TSHZ2: variants seen among roughly 807,000 people sequenced by gnomAD.
TSHZ2 encodes the protein teashirt homolog 2.
A neutral mutation model predicts 74.4 loss-of-function variants in TSHZ2; 21 were observed. That is an observed-to-expected ratio of 0.28 (90% confidence interval 0.20 to 0.41). TSHZ2 has a LOEUF of 0.41. Ranked by LOEUF, TSHZ2 falls within the 10% of genes least tolerant of loss-of-function variation. The pLI is 1.00. For missense variants in TSHZ2, 1,244 were observed against 1,293.5 expected (o/e 0.96, Z 0.59); for synonymous variants, 540 against 515.3 (o/e 1.05, Z -0.65).
intron 2 of TSHZ2, among the ~76,000 whole-genome samples, chr20:53,389,911 C>A (rs771126629): frequency 3.9e-5 from 6 of 152,296 alleles, no homozygotes; most frequent in African/African-American, 1.4e-4. Context: ...AAAGCCTTTT[C>A]GTCTAGACCA....
intron 2 of TSHZ2, among the ~76,000 whole-genome samples, chr20:53,279,766 G>A (rs1005716645): frequency 4.6e-5 from 7 of 152,092 alleles, no homozygotes; most frequent in African/African-American, 1.7e-4. Context: ...ATCCCATGAA[G>A]GGAATAGAGC....
At chr20:53,095,253 G>T (rs908009622) in intron 1 of TSHZ2, among the ~76,000 whole-genome samples, 1 of 152,188 alleles carries the variant, frequency 6.6e-6, no homozygotes, top group African/African-American at 2.4e-5. Flanking sequence ...GTAACCAGGT[G>T]GCTCTAGCAG....
At chr20:53,475,055 A>G (rs1373148846) in intron 2 of TSHZ2, among the ~76,000 whole-genome samples, 2 of 138,830 alleles carry the variant, frequency 1.4e-5, no homozygotes, top group Admixed American at 7.2e-5. Context: ...ACACATTAAT[A>G]ATGGGAGACT....
chr20:53,439,555 C>T (rs1279690678), intron 2 of TSHZ2, among the ~76,000 whole-genome samples: 1 of 152,154 alleles, frequency 6.6e-6, no homozygotes, highest in Non-Finnish European at 1.5e-5. Flanking sequence ...GAGATAAGGA[C>T]AGGAACACTT....
chr20:53,317,636 C>A (rs1423834566), intron 2 of TSHZ2, among the ~76,000 whole-genome samples: 1 of 152,140 alleles, frequency 6.6e-6, no homozygotes, highest in African/African-American at 2.4e-5. Context: ...CGTTCCAGGG[C>A]AGCAAGAATA....
At chr20:53,395,577 T>C (rs943610938) in intron 2 of TSHZ2, among the ~76,000 whole-genome samples, 9 of 152,246 alleles carry the variant, frequency 5.9e-5, no homozygotes, top group African/African-American at 2.2e-4. Flanking sequence ...GGAGCTGGAT[T>C]TGACATCAGC....
chr20:53,478,488 A>G (rs1179087869), intron 2 of TSHZ2, among the ~76,000 whole-genome samples: 1 of 126,888 alleles, frequency 7.9e-6, no homozygotes, highest in Non-Finnish European at 1.6e-5. Context: ...CAGGAAGGGG[A>G]ATATCACACT....
intron 1 of TSHZ2, among the ~76,000 whole-genome samples, chr20:53,059,594 G>A (rs1984754647): frequency 6.6e-6 from 1 of 152,144 alleles, no homozygotes; most frequent in South Asian, 2.1e-4. Flanking sequence ...TTCATATCCA[G>A]TTTTAGGGAT....
At chr20:53,181,617 G>A (rs955378730) in intron 1 of TSHZ2, among the ~76,000 whole-genome samples, 8 of 151,914 alleles carry the variant, frequency 5.3e-5, no homozygotes, top group African/African-American at 1.2e-4. Context: ...GGCCGGACAC[G>A]GTGGCTCACA....
chr20:53,149,551 A>AGT (rs1427904330), intron 1 of TSHZ2, among the ~76,000 whole-genome samples: 1 of 152,194 alleles, frequency 6.6e-6, no homozygotes, highest in African/African-American at 2.4e-5. Context: ...GTTCAGTTCT[A>AGT]GTGTGTGCAT....
chr20:53,348,598 C>T (rs1337165017), intron 2 of TSHZ2, among the ~76,000 whole-genome samples: 8 of 152,020 alleles, frequency 5.3e-5, no homozygotes, highest in East Asian at 1.9e-4. Flanking sequence ...GATATTGAGC[C>T]GGAAATTTTG....
At chr20:53,183,994 C>T (rs1475596301) in intron 1 of TSHZ2, among the ~76,000 whole-genome samples, 1 of 152,112 alleles carries the variant, frequency 6.6e-6, no homozygotes, top group Non-Finnish European at 1.5e-5. Flanking sequence ...GCACCATTGC[C>T]CACAACGCTA....
chr20:53,163,360 CTTTTTT>C (rs55685519), intron 1 of TSHZ2, among the ~76,000 whole-genome samples: 33 of 65,640 alleles, frequency 5.0e-4, no homozygotes, highest in East Asian at 3.7e-3. Flanking sequence ...CTCTCTGTCT[CTTTTTT>C]TTTTTTTTTT....
At chr20:53,126,339 G>A (rs1468382992) in intron 1 of TSHZ2, among the ~76,000 whole-genome samples, 1 of 152,216 alleles carries the variant, frequency 6.6e-6, no homozygotes, top group Middle Eastern at 3.2e-3. Context: ...GTAATTTGAT[G>A]CCCTACATGG....
intron 1 of TSHZ2, among the ~76,000 whole-genome samples, chr20:53,053,772 G>C (rs1171004387): frequency 2.0e-5 from 3 of 152,114 alleles, no homozygotes; most frequent in African/African-American, 7.2e-5. Flanking sequence ...CAATGCAAGG[G>C]ATCCATGCCA....
At chr20:53,421,423 G>T in intron 2 of TSHZ2, 1 of 197,330 alleles carries the variant, frequency 5.1e-6, no homozygotes, top group Non-Finnish European at 1.1e-5. Context: ...GGGAGAAATT[G>T]GATGATGAGA....
chr20:52,977,975 G>A (rs1472982250), intron 1 of TSHZ2, among the ~76,000 whole-genome samples: 1 of 152,074 alleles, frequency 6.6e-6, no homozygotes, highest in African/African-American at 2.4e-5. Context: ...TTATCTCCCA[G>A]TTGCCCATTC....
intron 1 of TSHZ2, among the ~76,000 whole-genome samples, chr20:53,118,673 G>A (rs2123344202): frequency 6.6e-6 from 1 of 152,264 alleles, no homozygotes; most frequent in East Asian, 1.9e-4. Context: ...GTGACTGCTA[G>A]CAGCCTCTGG....
chr20:52,997,010 C>G (rs543739416), intron 1 of TSHZ2, among the ~76,000 whole-genome samples: 1 of 151,420 alleles, frequency 6.6e-6, no homozygotes, highest in Non-Finnish European at 1.5e-5. Context: ...CGCTCAAGCA[C>G]GAGGGGGTGG....
Sources: allele counts gnomAD v4.1 joint callset (sites outside exome capture counted in the v4.1 genomes callset), GRCh38; gene constraint gnomAD v4.1.1; transcripts MANE v1.5; gene names NCBI Gene and HGNC (gene_info 2026-07-23, HGNC 2026-07-21).